Variants in PBX1 observed in about 807,000 individuals in gnomAD.
PBX1 encodes pre-B-cell leukemia transcription factor 1.
In PBX1, 6 loss-of-function variants were observed where a neutral mutation model predicts 53.4. That is an observed-to-expected ratio of 0.11 (90% CI 0.06 to 0.22). The LOEUF (loss-of-function observed/expected upper bound fraction) is 0.22. Among genes scored for constraint, PBX1 ranks in the 10% least tolerant of loss-of-function variants. PBX1 has a pLI of 1.00. For synonymous variants in PBX1, 204 were observed against 212.3 expected, an observed-to-expected ratio of 0.96 and a Z score of 0.34; for missense variants, 251 against 551.4, an observed-to-expected ratio of 0.46 and a Z score of 5.46.
chr1:164,753,930 T>C (rs1347228069), intron 2 of PBX1, among the ~76,000 whole-genome samples: 1 of 152,164 alleles, frequency 6.6e-6, no homozygotes, highest in Non-Finnish European at 1.5e-5. Flanking sequence ...GTGAAAGGCC[T>C]CTGAGAGAAG....
chr1:164,559,793 A>G lies in PBX1; in HGVS notation c.-30A>G. The G allele has an allele frequency of 6.6e-7, 1 of 1,517,986 alleles. No individual in the cohort carries two copies. Among genetic ancestry groups the G allele is most frequent in the Non-Finnish European group, 8.9e-7 (1 of 1,129,696 alleles). 94.0% of individuals were successfully genotyped at this position (1,517,986 alleles called of 1,614,324 possible). ...GAGCCGAGCCGAGGAGCAGAAGAGGAAGAGCCGGGGGCTGCCGTAGCCTTT... is the reference window on the plus strand; with the variant it reads ...GAGCCGAGCCGAGGAGCAGAAGAGGGAGAGCCGGGGGCTGCCGTAGCCTTT... On this transcript the variant is annotated 5_prime_UTR_variant, in exon 1 of 9. Coordinates refer to ENST00000420696, the MANE Select transcript of PBX1 (RefSeq NM_002585.4).
rs765108033 is a variant in PBX1, at chr1:164,792,616, G to A, written c.388G>A (p.Ala130Thr). The A allele has an allele frequency of 1.2e-6, 2 of 1,613,566 alleles. No individual in the cohort carries two copies. The highest frequency in any genetic ancestry group is 1.7e-5 in the Admixed American group (1 of 59,992). Residue 130 changes from alanine to threonine, a missense_variant, in exon 3 of 9, where the codon GCG becomes ACG. This residue lies in a region of PBX1 where 76 missense variants were observed against 197.5 expected (regional missense o/e 0.38). Coordinates refer to ENST00000420696, the MANE Select transcript of PBX1 (RefSeq NM_002585.4). ...GAAGGGCGGAGGGTCGGCGGCAGCG[G>A]CGGCAGCGGCGGCGGCTTCTGGAGG... Reference protein sequence around the residue: ...PEKGGGSAAAAAAAAASGGAG... With the variant: ...PEKGGGSAAATAAAAASGGAG...
In PBX1 at chr1:164,847,227, T is replaced by G; in HGVS notation, c.*551T>G. The G allele has an allele frequency of 9.3e-7, 1 of 1,073,520 alleles. No homozygotes were observed. The highest frequency in any genetic ancestry group is 1.1e-6 in the Non-Finnish European group (1 of 883,484). The allele number at this position is 1,073,520 out of a possible 1,614,324, so 66.5% of individuals were successfully genotyped here. ...TCATTCCAGGCCTCCCTGCTTCCTC[T>G]TGCTCTTCCTCCCTGGGGACAGTAC... On this transcript the variant is annotated 3_prime_UTR_variant, in exon 9 of 9. Coordinates refer to ENST00000420696, the MANE Select transcript of PBX1 (RefSeq NM_002585.4).
intron 7 of PBX1, 63 bp from the exon 8 acceptor site, chr1:164,821,474 T>C: frequency 8.0e-7 from 1 of 1,248,704 alleles, no homozygotes; most frequent in Non-Finnish European, 1.2e-6. Flanking sequence ...CTGATGATGA[T>C]CTGCCTCCCT....
chr1:164,725,755 C>A lies in PBX1; in HGVS notation c.266-66739C>A, dbSNP rs566753143. On this transcript the variant is annotated intron_variant, in intron 2 of 8. Transcript: ENST00000420696. Reference sequence around the variant, plus strand: ...GCTCCTATAATGTCTGGCTTCCTGTCTTCAAGGCACTTTGCTTACATGACT... The same window carrying A: ...GCTCCTATAATGTCTGGCTTCCTGTATTCAAGGCACTTTGCTTACATGACT... 2.6e-5 allele frequency among the ~76,000 whole-genome samples: 4 copies of A among 152,164 alleles called. 1 individual carries two copies. The highest frequency in any genetic ancestry group is 9.7e-5 in the African/African-American group (4 of 41,448).
chr1:164,813,001 A>T (rs988841175), intron 6 of PBX1: 19 of 152,324 alleles, frequency 1.2e-4, no homozygotes, highest in African/African-American at 4.6e-4. Context: ...GTGCACAGCT[A>T]AGAAAACTGA....
chr1:164,885,954 T>G (rs1371115451), intron 2 of PBX1, among the ~76,000 whole-genome samples: 3 of 152,132 alleles, frequency 2.0e-5, no homozygotes, highest in Non-Finnish European at 4.4e-5. Flanking sequence ...GAATGTATGC[T>G]CTATAAGGGC....
In PBX1 at chr1:164,631,768, T is replaced by C. The variant is rs149330853; in HGVS notation, c.265+68457T>C. ...TATGAAATCCGTAAGATAAATCAGC[T>C]ATTGTAGCACGTGAAGGAAATTAAT... On this transcript the variant is annotated intron_variant, in intron 2 of 8. Transcript: ENST00000420696. Among the ~76,000 whole-genome samples, 297 of 152,336 alleles carry C rather than the reference T, an allele frequency of 1.9e-3. 1 individual carries two copies. Among genetic ancestry groups the C allele is most frequent in the African/African-American group, 5.7e-3 (239 of 41,572 alleles).
intron 2 of PBX1, among the ~76,000 whole-genome samples, chr1:164,744,486 A>T (rs1393087156): frequency 6.6e-6 from 1 of 152,222 alleles, no homozygotes; most frequent in Admixed American, 6.5e-5. Context: ...TGTAGCCTCC[A>T]TAGGTACCCA....
intron 2 of PBX1, among the ~76,000 whole-genome samples, chr1:164,618,451 G>T (rs1033409510): frequency 5.3e-5 from 8 of 152,058 alleles, no homozygotes; most frequent in African/African-American, 1.4e-4. Flanking sequence ...GTTTAATTTT[G>T]CACAGCTCCA....
intron 2 of PBX1, among the ~76,000 whole-genome samples, chr1:164,865,468 G>A (rs1054942147): frequency 3.3e-4 from 51 of 152,258 alleles, no homozygotes; most frequent in African/African-American, 1.2e-3. Context: ...TGTTTTGAAG[G>A]TATGGGTGCA....
intron 2 of PBX1, among the ~76,000 whole-genome samples, chr1:164,733,049 T>A (rs532246851): frequency 6.6e-6 from 1 of 152,338 alleles, no homozygotes; most frequent in South Asian, 2.1e-4. Flanking sequence ...TATTTGATAC[T>A]TCATGACTTC....
intron 2 of PBX1, among the ~76,000 whole-genome samples, chr1:164,779,233 C>T (rs961200229): frequency 1.3e-5 from 2 of 151,820 alleles, no homozygotes; most frequent in African/African-American, 4.9e-5. Context: ...CCTGTTCTAG[C>T]AATTTCACTT....
chr1:164,774,912 C>T (rs1174843411), intron 2 of PBX1, among the ~76,000 whole-genome samples: 6 of 152,206 alleles, frequency 3.9e-5, no homozygotes, highest in Non-Finnish European at 1.5e-5. Context: ...CACTTCACGG[C>T]TGTAATTCAA....
At chr1:164,775,720 GGTTCTGCTTAATACTGGCTTTTAA>G (rs1193316100) in intron 2 of PBX1, among the ~76,000 whole-genome samples, 1 of 152,198 alleles carries the variant, frequency 6.6e-6, no homozygotes, top group Non-Finnish European at 1.5e-5. Context: ...GCAGAGCTGA[GGTTCTGCTTAATACTGGCTTTTAA>G]GTGTTTAAGC....
chr1:164,624,504 G>A (rs1161818590), intron 2 of PBX1, among the ~76,000 whole-genome samples: 1 of 152,186 alleles, frequency 6.6e-6, no homozygotes, highest in African/African-American at 2.4e-5. Context: ...CTCTAACATG[G>A]TGATTCTCAA....
In PBX1 at chr1:164,746,624, G is replaced by C. The variant is rs370758672; in HGVS notation, c.266-45870G>C. Among the ~76,000 whole-genome samples, 193 of 152,064 alleles carry C rather than the reference G, an allele frequency of 1.3e-3. 1 individual carries two copies. The highest frequency in any genetic ancestry group is 4.5e-3 in the African/African-American group (186 of 41,478). ...ACCCTTGACCTCATGTGGCCAGGCT[G>C]TTCTCGAACTCTTGACCTCGTGATC... On this transcript the variant is annotated intron_variant, in intron 2 of 8. Transcript: ENST00000420696.
At chr1:164,826,481 T>C (rs1407244106) in intron 8 of PBX1, among the ~76,000 whole-genome samples, 1 of 152,118 alleles carries the variant, frequency 6.6e-6, no homozygotes, top group East Asian at 1.9e-4. Flanking sequence ...CTCAGCTCAC[T>C]GCAACCTCTG....
At chr1:164,613,941 C>G (rs890835032) in intron 2 of PBX1, among the ~76,000 whole-genome samples, 2 of 152,114 alleles carry the variant, frequency 1.3e-5, no homozygotes, top group African/African-American at 4.8e-5. Flanking sequence ...CCTTAGAAGA[C>G]TTTCTGGCAT....
Sources: allele counts gnomAD v4.1 joint callset (sites outside exome capture counted in the v4.1 genomes callset), GRCh38; gene constraint gnomAD v4.1.1; regional missense constraint gnomAD v4.1.1; transcripts MANE v1.5; gene names NCBI Gene and HGNC (gene_info 2026-07-23, HGNC 2026-07-21).